The following MAPKAP1 variants were observed in gnomAD, a reference collection of about 807,000 sequenced individuals.
MAPKAP1 encodes MAPK associated protein 1.
Under a neutral mutation model 65.7 loss-of-function variants are expected in MAPKAP1, and 20 were observed. The ratio of observed to expected loss-of-function variants is 0.30; its 90% confidence interval spans 0.21 to 0.44. The LOEUF (loss-of-function observed/expected upper bound fraction) is 0.44. Among genes scored for constraint, MAPKAP1 ranks in the 20% least tolerant of loss-of-function variants. The pLI is 1.00. For missense variants in MAPKAP1, 423 were observed against 648.0 expected, an observed-to-expected ratio of 0.65 and a Z score of 3.77; for synonymous variants, 222 against 244.3, an observed-to-expected ratio of 0.91 and a Z score of 0.85.
chr9:125,482,381 A>G (rs1245884108), intron 9 of MAPKAP1, among the ~76,000 whole-genome samples: 1 of 152,196 alleles, frequency 6.6e-6, no homozygotes, highest in Non-Finnish European at 1.5e-5. Context: ...TGAATGTCAT[A>G]TAATAGAATC....
At chr9:125,617,662 T>G (rs1298207259) in intron 4 of MAPKAP1, among the ~76,000 whole-genome samples, 3 of 152,122 alleles carry the variant, frequency 2.0e-5, no homozygotes, top group Non-Finnish European at 2.9e-5. Flanking sequence ...TATGGGTGAA[T>G]CTATGGGACG....
chr9:125,610,005 G>T (rs1832553064), intron 4 of MAPKAP1, among the ~76,000 whole-genome samples: 1 of 152,132 alleles, frequency 6.6e-6, no homozygotes, highest in African/African-American at 2.4e-5. Flanking sequence ...AACTCAGATG[G>T]AAACCCGCCT....
chr9:125,538,727 A>G (rs1830146615), intron 7 of MAPKAP1, among the ~76,000 whole-genome samples: 1 of 152,154 alleles, frequency 6.6e-6, no homozygotes, highest in Non-Finnish European at 1.5e-5. Flanking sequence ...CAAACACCCT[A>G]TAGGATGCAG....
At chr9:125,693,763 G>GTATA (rs1554844689) in intron 1 of MAPKAP1, among the ~76,000 whole-genome samples, 4 of 72,932 alleles carry the variant, frequency 5.5e-5, no homozygotes, top group Non-Finnish European at 1.2e-4. Context: ...ATATATACAC[G>GTATA]TATATACACA....
chr9:125,495,222 T>C (rs1248738630), intron 8 of MAPKAP1, among the ~76,000 whole-genome samples: 2 of 152,162 alleles, frequency 1.3e-5, no homozygotes, highest in Admixed American at 1.3e-4. Context: ...AGGTGTCCCT[T>C]TCCCTGACTC....
intron 7 of MAPKAP1, among the ~76,000 whole-genome samples, chr9:125,532,559 T>C (rs753051322): frequency 5.3e-5 from 8 of 152,360 alleles, no homozygotes; most frequent in African/African-American, 1.7e-4. Flanking sequence ...CTCAGCAAAT[T>C]AGTCATCCCC....
intron 7 of MAPKAP1, chr9:125,521,833 G>GAA: frequency 6.7e-7 from 1 of 1,502,640 alleles, no homozygotes; most frequent in East Asian, 2.3e-5. Flanking sequence ...TGAGCTACAT[G>GAA]AAAGTGGTGA....
In MAPKAP1 at chr9:125,438,153, C is replaced by G. The variant is rs3739766; in HGVS notation, c.*734G>C. ...GCCTGAGGACCAGCCACCGCCCCTC[C>G]TCCTGGCACCCCACACTGTCCACGC... On this transcript the variant is annotated 3_prime_UTR_variant, in exon 12 of 12. Transcript: ENST00000265960. 1,636 of 390,468 alleles carry G rather than the reference C, an allele frequency of 4.2e-3. 56 individuals are homozygous for G. The East Asian group carries it at 0.051, about 12-fold the overall frequency. 24.2% of individuals were successfully genotyped at this position (390,468 alleles called of 1,614,324 possible). A position where few individuals can be genotyped will look rare whatever the true frequency, so the allele number is the denominator to read the frequency against.
At chr9:125,693,388 C>A (rs1332875267) in intron 1 of MAPKAP1, among the ~76,000 whole-genome samples, 2 of 143,280 alleles carry the variant, frequency 1.4e-5, no homozygotes, top group Non-Finnish European at 3.0e-5. Flanking sequence ...CACTCCAGCT[C>A]AAGTAACAAG....
intron 4 of MAPKAP1, among the ~76,000 whole-genome samples, chr9:125,597,156 T>G (rs1345668463): frequency 1.3e-5 from 2 of 149,450 alleles, no homozygotes; most frequent in Non-Finnish European, 3.0e-5. Flanking sequence ...TCCCAGCTAC[T>G]TGGGAGGCTG....
At chr9:125,687,246 A>G (rs1835011340) in intron 1 of MAPKAP1, among the ~76,000 whole-genome samples, 2 of 152,122 alleles carry the variant, frequency 1.3e-5, no homozygotes, top group South Asian at 4.1e-4. Flanking sequence ...TATTAACAGA[A>G]AATGAAAATG....
At chr9:125,589,651 G>T (rs1327904515) in intron 4 of MAPKAP1, among the ~76,000 whole-genome samples, 2 of 152,122 alleles carry the variant, frequency 1.3e-5, no homozygotes, top group African/African-American at 4.8e-5. Flanking sequence ...TCAGTACAGG[G>T]AAAGGAAATT....
At chr9:125,553,009 T>C (rs1281901771) in intron 6 of MAPKAP1, among the ~76,000 whole-genome samples, 1 of 152,212 alleles carries the variant, frequency 6.6e-6, no homozygotes, top group East Asian at 1.9e-4. Flanking sequence ...TATATATCTA[T>C]ATGTGCTTTT....
At chr9:125,506,267 T>C (rs752552470) in intron 8 of MAPKAP1, 43 bp downstream of exon 8, 5 of 1,536,184 alleles carry the variant, frequency 3.3e-6, no homozygotes, top group Admixed American at 3.3e-5. Context: ...CTAAGCAAGT[T>C]TGCAACGGAC....
intron 8 of MAPKAP1, among the ~76,000 whole-genome samples, chr9:125,488,934 A>AT (rs1055728700): frequency 4.6e-5 from 7 of 152,216 alleles, no homozygotes; most frequent in South Asian, 2.1e-4. Flanking sequence ...CCAAAAGCAT[A>AT]TTTTTTGGAC....
At chr9:125,526,869 G>A (rs1829784492) in intron 7 of MAPKAP1, among the ~76,000 whole-genome samples, 1 of 19,724 alleles carries the variant, frequency 5.1e-5, no homozygotes, top group African/African-American at 5.8e-5. Flanking sequence ...TTTGCCTCCA[G>A]GGTTCAAGTG....
At chr9:125,701,356 C>A (rs1434161572) in intron 1 of MAPKAP1, among the ~76,000 whole-genome samples, 1 of 152,126 alleles carries the variant, frequency 6.6e-6, no homozygotes, top group African/African-American at 2.4e-5. Flanking sequence ...TGAATTTCAG[C>A]AAGACTTGAA....
At chr9:125,542,980 TCACA>T (rs745332639) in intron 7 of MAPKAP1, 75 bp downstream of exon 7, 6 of 935,382 alleles carry the variant, frequency 6.4e-6, no homozygotes, top group Non-Finnish European at 1.1e-5. Flanking sequence ...TAGCCAGCCA[TCACA>T]CACACACACC....
At chr9:125,476,022 C>A (rs1854096150) in intron 9 of MAPKAP1, among the ~76,000 whole-genome samples, 1 of 152,216 alleles carries the variant, frequency 6.6e-6, no homozygotes, top group Non-Finnish European at 1.5e-5. Context: ...TCTTTCTCAG[C>A]CACCTGAGGA....
Sources: gnomAD v4.1 joint callset for allele counts (sites outside exome capture counted in the v4.1 genomes callset) on GRCh38, gnomAD v4.1.1 for gene constraint, MANE v1.5 for transcripts, NCBI Gene and HGNC (gene_info 2026-07-23, HGNC 2026-07-21) for gene names.